GRM3: variants seen among roughly 807,000 people sequenced by gnomAD.
The protein encoded by GRM3 is glutamate metabotropic receptor 3.
GRM3 carries 26 observed loss-of-function variants against 70.5 expected under a neutral mutation model. The ratio of observed to expected loss-of-function variants is 0.37; its 90% CI spans 0.27 to 0.51. The LOEUF (loss-of-function observed/expected upper bound fraction) is 0.51. GRM3 is among the 20% of genes least tolerant of loss of function. GRM3 has a pLI of 0.93. For missense variants in GRM3, 859 were observed against 1,123.8 expected (o/e 0.76, Z 3.37); for synonymous variants, 443 against 434.9 (o/e 1.02, Z -0.23).
intron 1 of GRM3, among the ~76,000 whole-genome samples, chr7:86,707,880 C>G (rs771140484): frequency 1.4e-4 from 22 of 152,168 alleles, no homozygotes; most frequent in Admixed American, 4.6e-4. Context: ...TACCAAATGC[C>G]AGGCACTGAT....
chr7:86,716,786 C>G (rs1189831058), intron 1 of GRM3, among the ~76,000 whole-genome samples: 2 of 151,722 alleles, frequency 1.3e-5, no homozygotes, highest in Non-Finnish European at 2.9e-5. Flanking sequence ...AAACTATTTC[C>G]CTTGTTGGGA....
chr7:86,830,750 G>C (rs10238192), intron 3 of GRM3, among the ~76,000 whole-genome samples: 7,924 of 152,196 alleles, frequency 0.052, 646 homozygotes, highest in African/African-American at 0.17. Flanking sequence ...TCCCCAAAAA[G>C]AGATATTTTG....
intron 1 of GRM3, among the ~76,000 whole-genome samples, chr7:86,671,914 T>C (rs1794181679): frequency 6.6e-6 from 1 of 152,216 alleles, no homozygotes; most frequent in Non-Finnish European, 1.5e-5. Flanking sequence ...CCAGTCAGTG[T>C]AGCACTACTG....
chr7:86,845,049 TG>T (rs1221689089), intron 4 of GRM3, among the ~76,000 whole-genome samples: 1 of 152,030 alleles, frequency 6.6e-6, no homozygotes, highest in African/African-American at 2.4e-5. Flanking sequence ...GCCACCACAC[TG>T]GGCTAATTTT....
rs866240253 is a variant in GRM3 at position 86,649,134 on chromosome 7, C to T, written c.-141+4262C>T. Among the ~76,000 whole-genome samples the T allele has an allele frequency of 5.3e-5, 8 of 152,080 alleles. No individual in the cohort carries two copies. In the South Asian group the frequency reaches 6.2e-4, roughly 12 times the overall value. On this transcript the variant is annotated intron_variant, in intron 1 of 5. Coordinates refer to ENST00000361669, the MANE Select transcript of GRM3 (RefSeq NM_000840.3). ...TTTAAACAAATAAAATTAGACTGCACGAAATAATTTTTAAACAAGTACTCT... is the reference window on the plus strand; with the variant it reads ...TTTAAACAAATAAAATTAGACTGCATGAAATAATTTTTAAACAAGTACTCT...
At chr7:86,764,343 A>G (rs1239704326) in intron 1 of GRM3, among the ~76,000 whole-genome samples, 1 of 152,162 alleles carries the variant, frequency 6.6e-6, no homozygotes, top group Non-Finnish European at 1.5e-5. Context: ...CAAGATTTCA[A>G]TTAAGGTCAA....
At chr7:86,785,770 T>C (rs1225314652) in intron 2 of GRM3, among the ~76,000 whole-genome samples, 1 of 140,352 alleles carries the variant, frequency 7.1e-6, no homozygotes, top group Non-Finnish European at 1.5e-5. Flanking sequence ...TGGCATGCAG[T>C]TCCCAAATTA....
intron 3 of GRM3, among the ~76,000 whole-genome samples, chr7:86,837,207 C>T (rs1372484436): frequency 6.6e-6 from 1 of 152,150 alleles, no homozygotes; most frequent in African/African-American, 2.4e-5. Flanking sequence ...CTAGGGGCAC[C>T]TATATCCTTT....
chr7:86,813,627 A>G (rs1413746580), intron 3 of GRM3, among the ~76,000 whole-genome samples: 1 of 151,838 alleles, frequency 6.6e-6, no homozygotes. Flanking sequence ...TACAGGAAAA[A>G]TGTATAATAC....
chr7:86,859,885 C>T (rs1460390171), intron 5 of GRM3, among the ~76,000 whole-genome samples: 2 of 152,184 alleles, frequency 1.3e-5, no homozygotes, highest in African/African-American at 4.8e-5. Context: ...AAAGCTGCCA[C>T]TTGGTTACAC....
At chr7:86,841,062 T>A (rs1166850346) in intron 4 of GRM3, among the ~76,000 whole-genome samples, 1 of 152,190 alleles carries the variant, frequency 6.6e-6, no homozygotes, top group Non-Finnish European at 1.5e-5. Context: ...AAGTAATGCA[T>A]ATGTTAATTA....
At chr7:86,798,456 G>T (rs1797607623) in intron 3 of GRM3, among the ~76,000 whole-genome samples, 1 of 152,164 alleles carries the variant, frequency 6.6e-6, no homozygotes, top group Non-Finnish European at 1.5e-5. Context: ...ACTGGATTTT[G>T]GACTTGCATG....
chr7:86,672,738 A>G (rs1404043751), intron 1 of GRM3, among the ~76,000 whole-genome samples: 1 of 152,146 alleles, frequency 6.6e-6, no homozygotes, highest in Non-Finnish European at 1.5e-5. Context: ...TGCCAGCTCC[A>G]GCCAGAACCT....
At chr7:86,750,028 A>G (rs1048726967) in intron 1 of GRM3, among the ~76,000 whole-genome samples, 10 of 152,054 alleles carry the variant, frequency 6.6e-5, no homozygotes, top group Non-Finnish European at 1.3e-4. Context: ...ATGTAAAGCA[A>G]CTTGCATACA....
chr7:86,793,699 C>A (rs1171059642), intron 3 of GRM3, among the ~76,000 whole-genome samples: 2 of 152,110 alleles, frequency 1.3e-5, no homozygotes, highest in Admixed American at 6.5e-5. Context: ...AGAAATGATT[C>A]CCATTTTAAG....
intron 1 of GRM3, among the ~76,000 whole-genome samples, chr7:86,705,075 A>C (rs1373671385): frequency 6.6e-6 from 1 of 151,990 alleles, no homozygotes; most frequent in Non-Finnish European, 1.5e-5. Context: ...AGGCAGTTTT[A>C]ATAAGGGAAC....
intron 1 of GRM3, among the ~76,000 whole-genome samples, chr7:86,740,649 A>C (rs1182372306): frequency 6.6e-6 from 1 of 152,220 alleles, no homozygotes; most frequent in Non-Finnish European, 1.5e-5. Context: ...TTAAAAGTCT[A>C]ATTATGGTAG....
At chr7:86,660,271 T>C (rs1340892789) in intron 1 of GRM3, among the ~76,000 whole-genome samples, 1 of 152,034 alleles carries the variant, frequency 6.6e-6, no homozygotes, top group Non-Finnish European at 1.5e-5. Flanking sequence ...TCAGAAATGA[T>C]TGCGAATTAA....
At chr7:86,864,219 A>T in intron 5 of GRM3, 63 bp from the exon 6 acceptor site, 1 of 834,362 alleles carries the variant, frequency 1.2e-6, no homozygotes, top group Non-Finnish European at 2.1e-6. Context: ...TGTATCCTTC[A>T]TGCTATTACC....
Sources: allele counts gnomAD v4.1 joint callset (sites outside exome capture counted in the v4.1 genomes callset), GRCh38; gene constraint gnomAD v4.1.1; transcripts MANE v1.5; gene names NCBI Gene and HGNC (gene_info 2026-07-23, HGNC 2026-07-21).